SEPTIN11: variants seen among roughly 807,000 people sequenced by gnomAD.
SEPTIN11 encodes septin 11, also known as septin-11.
In SEPTIN11, 25 loss-of-function variants were observed where a neutral mutation model predicts 51.4. The observed-to-expected ratio is 0.49, with a 90% CI of 0.35 to 0.68. The LOEUF is 0.68. Among genes scored for constraint, SEPTIN11 ranks in the 30% least tolerant of loss-of-function variants. The pLI, the probability that SEPTIN11 is intolerant of heterozygous loss-of-function variation, is 0.00. For synonymous variants in SEPTIN11, 174 were observed against 184.1 expected, an observed-to-expected ratio of 0.95 and a Z score of 0.44; for missense variants, 381 against 520.8, an observed-to-expected ratio of 0.73 and a Z score of 2.61.
chr4:77,033,115 T>A (rs975163508), intron 9 of SEPTIN11, among the ~76,000 whole-genome samples: 1 of 152,142 alleles, frequency 6.6e-6, no homozygotes, highest in Non-Finnish European at 1.5e-5. Flanking sequence ...CACTTTACAT[T>A]TGTACAGTGA....
intron 5 of SEPTIN11, among the ~76,000 whole-genome samples, chr4:77,016,750 G>A (rs1217647677): frequency 1.4e-5 from 2 of 143,894 alleles, no homozygotes; most frequent in Non-Finnish European, 3.0e-5. Flanking sequence ...TTGAGGCCAG[G>A]GGCTCAAGAC....
In SEPTIN11 at chr4:77,030,836, A is replaced by G. The variant is rs1300279824; in HGVS notation, c.1140A>G (p.Lys380=). The G allele has an allele frequency of 4.3e-6, 7 of 1,610,380 alleles. No homozygotes were observed. Among genetic ancestry groups the G allele is most frequent in the Non-Finnish European group, 1.7e-6 (2 of 1,179,292 alleles). Residue 380 remains lysine, a synonymous_variant, in exon 9 of 10, where the codon AAA becomes AAG. Transcript: ENST00000264893. ...LKRTHQEEKK[K]VEDKKKELEE... is the part of the protein sequence containing the mutation. Reference sequence around the variant, plus strand: ...GGACACACCAAGAAGAAAAGAAGAAAGTGGAAGACAAGAAGAAGGAGCTTG... The same window carrying G: ...GGACACACCAAGAAGAAAAGAAGAAGGTGGAAGACAAGAAGAAGGAGCTTG...
chr4:77,037,219 A>C lies in SEPTIN11; in HGVS notation c.*2707A>C. ...TCTACAAAAAATACAAAAATTAGCCAGGCGTGGTGGCACGTGCCTGTAGTC... is the reference window on the plus strand; with the variant it reads ...TCTACAAAAAATACAAAAATTAGCCCGGCGTGGTGGCACGTGCCTGTAGTC... On this transcript the variant is annotated 3_prime_UTR_variant, in exon 10 of 10. Transcript: ENST00000264893. The C allele has an allele frequency of 1.7e-6, 1 of 578,022 alleles. No individual in the cohort carries two copies. The allele number at this position is 578,022 out of a possible 1,614,324, so 35.8% of individuals were successfully genotyped here.
chr4:77,001,016 A>G lies in SEPTIN11; in HGVS notation c.142+4477A>G, dbSNP rs147332521. 2.0e-3 allele frequency among the ~76,000 whole-genome samples: 300 copies of G among 152,298 alleles called. 2 individuals carry two copies. Among genetic ancestry groups the G allele is most frequent in the African/African-American group, 6.7e-3 (280 of 41,564 alleles). ...GAATCACAGATCAACAATTTGTTCA[A>G]TCTACCGTTACCTTCTAATTAATAA... On this transcript the variant is annotated intron_variant, in intron 2 of 9. Transcript: ENST00000264893.
In SEPTIN11 at chr4:76,990,153, C is replaced by G. The variant is rs375168639; in HGVS notation, c.28-6272C>G. On this transcript the variant is annotated intron_variant, in intron 1 of 9. Transcript: ENST00000264893. ...TGTATCAGAGTGCCCTTTTTTCAATCCTCCCCGCGATTGGCTACTTTTAGA... is the reference window on the plus strand; with the variant it reads ...TGTATCAGAGTGCCCTTTTTTCAATGCTCCCCGCGATTGGCTACTTTTAGA... Among the ~76,000 whole-genome samples the G allele has an allele frequency of 2.0e-5, 3 of 151,950 alleles. No homozygotes were observed. The East Asian group carries it at 5.8e-4, about 29-fold the overall frequency.
At position 76,949,781 on chromosome 4, in the gene SEPTIN11, G is replaced by A. The variant is rs576818137; in HGVS notation, c.-123G>A. On this transcript the variant is annotated 5_prime_UTR_variant, in exon 1 of 10. Coordinates refer to ENST00000264893, the MANE Select transcript of SEPTIN11 (RefSeq NM_018243.4). ...AGATGCCGCTGGCTGCCAGCGGGAC[G>A]CCGGCGAGCAGAGCGCAGCCGCGAG... The A allele has an allele frequency of 2.2e-5, 24 of 1,072,368 alleles. No individual in the cohort carries two copies. The highest frequency in any genetic ancestry group is 3.4e-5 in the African/African-American group (2 of 59,656). The allele number at this position is 1,072,368 out of a possible 1,614,324, so 66.4% of individuals were successfully genotyped here.
At chr4:77,026,726 T>A (rs1466237182) in intron 7 of SEPTIN11, among the ~76,000 whole-genome samples, 1 of 152,254 alleles carries the variant, frequency 6.6e-6, no homozygotes, top group Non-Finnish European at 1.5e-5. Context: ...TATTCATTAT[T>A]CTAAAATCAA....
intron 1 of SEPTIN11, among the ~76,000 whole-genome samples, chr4:76,988,948 C>T (rs1253721589): frequency 6.6e-6 from 1 of 152,200 alleles, no homozygotes; most frequent in Non-Finnish European, 1.5e-5. Flanking sequence ...AAACTTGAGC[C>T]ATCTTGATCT....
intron 1 of SEPTIN11, among the ~76,000 whole-genome samples, chr4:76,988,547 C>T (rs903433851): frequency 9.2e-5 from 14 of 152,166 alleles, no homozygotes; most frequent in African/African-American, 3.4e-4. Context: ...ATCACTCTGT[C>T]ACCCAGGCTG....
chr4:77,017,287 T>C (rs1725371749), intron 5 of SEPTIN11, among the ~76,000 whole-genome samples: 1 of 152,224 alleles, frequency 6.6e-6, no homozygotes, highest in African/African-American at 2.4e-5. Flanking sequence ...TAGAACTGAA[T>C]CTCTGACATT....
intron 2 of SEPTIN11, among the ~76,000 whole-genome samples, chr4:77,003,179 T>G (rs1225697240): frequency 6.6e-6 from 1 of 152,180 alleles, no homozygotes; most frequent in Non-Finnish European, 1.5e-5. Flanking sequence ...AGAGAAAAAC[T>G]GTGATTAGAT....
At chr4:77,001,305 ATC>A (rs1456644725) in intron 2 of SEPTIN11, among the ~76,000 whole-genome samples, 1 of 152,100 alleles carries the variant, frequency 6.6e-6, no homozygotes, top group Non-Finnish European at 1.5e-5. Context: ...ACAGTGGCAT[ATC>A]TCTGTATAAA....
intron 2 of SEPTIN11, among the ~76,000 whole-genome samples, chr4:77,001,613 G>C (rs1008705339): frequency 6.6e-6 from 1 of 152,196 alleles, no homozygotes; most frequent in Non-Finnish European, 1.5e-5. Flanking sequence ...GCCTCCCAGA[G>C]TGTTGAGATT....
chr4:77,029,936 A>T (rs1431451725), intron 8 of SEPTIN11, among the ~76,000 whole-genome samples: 2 of 152,110 alleles, frequency 1.3e-5, no homozygotes, highest in African/African-American at 2.4e-5. Context: ...AACCACTTTT[A>T]CCACTAGGGT....
At chr4:76,951,672 C>T (rs1224315903) in intron 1 of SEPTIN11, among the ~76,000 whole-genome samples, 1 of 152,120 alleles carries the variant, frequency 6.6e-6, no homozygotes, top group East Asian at 1.9e-4. Context: ...TTCAGTAACA[C>T]GTATTATTGC....
chr4:77,020,921 C>T (rs1460878255), intron 7 of SEPTIN11: 1 of 450,578 alleles, frequency 2.2e-6, no homozygotes, highest in Non-Finnish European at 4.0e-6. Context: ...TGTAAACAAA[C>T]TGCCCAAGGT....
chr4:77,011,872 A>G lies in SEPTIN11; in HGVS notation c.476A>G (p.His159Arg). 2 of 1,614,102 alleles carry G rather than the reference A, an allele frequency of 1.2e-6. No homozygotes were observed. The highest frequency in any genetic ancestry group is 1.7e-6 in the Non-Finnish European group (2 of 1,179,968). Residue 159 changes from histidine (H) to arginine (R), a missense_variant, in exon 4 of 10, where the codon CAT becomes CGT. By Grantham distance (29) the His-to-Arg change is conservative. Around this residue, in one of 2 missense-constraint regions of SEPTIN11, gnomAD observed 184 missense variants for 207.7 expected, o/e 0.89. Transcript: ENST00000264893. ...CTCTACTTTATTGCCCCTACTGGAC[A>G]TTCACTAAAGTCCCTGGATCTGGTC... Reference protein sequence around the residue: ...ACLYFIAPTGHSLKSLDLVTM... With the variant: ...ACLYFIAPTGRSLKSLDLVTM...
intron 6 of SEPTIN11, 90 bp downstream of exon 6, chr4:77,019,351 C>T (rs537279865): frequency 3.7e-5 from 41 of 1,114,904 alleles, no homozygotes; most frequent in Admixed American, 2.6e-4. Flanking sequence ...TTTAGGGAGG[C>T]CCTCAACAGT....
chr4:77,034,519 G>A lies in SEPTIN11; in HGVS notation c.*7G>A. The A allele has an allele frequency of 1.3e-6, 2 of 1,567,028 alleles. No homozygotes were observed. The highest frequency in any genetic ancestry group is 2.4e-5 in the East Asian group (1 of 42,490). On this transcript the variant is annotated 3_prime_UTR_variant, in exon 10 of 10. Transcript: ENST00000264893. ...CAGTGCAAGCTTCACATAAAGCCTG[G>A]CAAGCCAAGGATGTTCCCGCATTCA...
Sources: gnomAD v4.1 joint callset for allele counts (sites outside exome capture counted in the v4.1 genomes callset) on GRCh38, gnomAD v4.1.1 for gene constraint, gnomAD v4.1.1 regional missense constraint, MANE v1.5 for transcripts, NCBI Gene and HGNC (gene_info 2026-07-23, HGNC 2026-07-21) for gene names.